CDH4: variants seen among roughly 807,000 people sequenced by gnomAD.
CDH4 encodes the protein cadherin 4, also known as cadherin-4.
Under a neutral mutation model 86.0 loss-of-function variants are expected in CDH4, and 33 were observed. That is an observed-to-expected ratio of 0.38 (90% CI 0.29 to 0.51). The LOEUF is 0.51. Ranked by LOEUF, CDH4 falls within the 20% of genes least tolerant of loss-of-function variation. The pLI, the probability that CDH4 is intolerant of heterozygous loss-of-function variation, is 0.86. For synonymous variants in CDH4, 555 were observed against 549.4 expected (o/e 1.01, Z -0.14); for missense variants, 1,114 against 1,307.4 (o/e 0.85, Z 2.28).
chr20:61,539,956 A>G (rs755617937), intron 2 of CDH4, among the ~76,000 whole-genome samples: 2 of 152,056 alleles, frequency 1.3e-5, no homozygotes, highest in Non-Finnish European at 2.9e-5. Context: ...TCCCTGTCCA[A>G]TTCCCTCCCA....
intron 2 of CDH4, among the ~76,000 whole-genome samples, chr20:61,610,498 T>G (rs111499667): frequency 7.2e-5 from 11 of 152,186 alleles, no homozygotes; most frequent in African/African-American, 2.7e-4. Context: ...CTGCTTTCCT[T>G]CCTTTAGGAT....
At chr20:61,369,729 C>T (rs577141894) in intron 2 of CDH4, 2 of 148,772 alleles carry the variant, frequency 1.3e-5, no homozygotes, top group East Asian at 3.9e-4. Context: ...AAGTTAAAAC[C>T]AACCAAAAAA....
intron 2 of CDH4, among the ~76,000 whole-genome samples, chr20:61,554,408 C>T (rs966394659): frequency 8.5e-5 from 13 of 152,212 alleles, no homozygotes; most frequent in Non-Finnish European, 1.6e-4. Context: ...AACATTATGT[C>T]GCCACTGACC....
intron 2 of CDH4, among the ~76,000 whole-genome samples, chr20:61,660,320 A>G (rs2087239326): frequency 6.6e-6 from 1 of 151,732 alleles, no homozygotes; most frequent in South Asian, 2.1e-4. Context: ...CTTCTTATCA[A>G]ACAAAGAGTG....
chr20:61,576,611 C>T (rs1251220918), intron 2 of CDH4, among the ~76,000 whole-genome samples: 1 of 152,182 alleles, frequency 6.6e-6, no homozygotes, highest in African/African-American at 2.4e-5. Flanking sequence ...TCACGTGAGG[C>T]AGACATCACT....
chr20:61,774,750 C>T (rs927001673), intron 4 of CDH4, among the ~76,000 whole-genome samples: 1 of 152,156 alleles, frequency 6.6e-6, no homozygotes, highest in African/African-American at 2.4e-5. Flanking sequence ...CATTCAGCTC[C>T]CACTTATAAG....
intron 2 of CDH4, among the ~76,000 whole-genome samples, chr20:61,667,927 G>A (rs6061717): frequency 3.9e-5 from 6 of 152,338 alleles, no homozygotes; most frequent in South Asian, 2.1e-4. Flanking sequence ...GCCAAATGTC[G>A]CATGTGGCTG....
intron 2 of CDH4, among the ~76,000 whole-genome samples, chr20:61,640,083 C>T (rs2086989191): frequency 1.3e-5 from 2 of 152,306 alleles, no homozygotes; most frequent in Admixed American, 1.3e-4. Flanking sequence ...CCATGAAGCT[C>T]CACAGCTTCT....
intron 2 of CDH4, among the ~76,000 whole-genome samples, chr20:61,300,228 G>A (rs764161172): frequency 9.2e-5 from 14 of 152,146 alleles, no homozygotes; most frequent in Non-Finnish European, 1.2e-4. Flanking sequence ...AGGTGCCAGG[G>A]ATGCGTGGGT....
intron 2 of CDH4, among the ~76,000 whole-genome samples, chr20:61,522,817 T>C (rs1004977672): frequency 1.3e-5 from 2 of 152,198 alleles, no homozygotes; most frequent in Non-Finnish European, 2.9e-5. Flanking sequence ...TCCCTTCGGT[T>C]TTTTATTTTT....
intron 2 of CDH4, chr20:61,718,809 C>T (rs745910053): frequency 4.2e-6 from 2 of 471,104 alleles, no homozygotes; most frequent in African/African-American, 2.0e-5. Context: ...GGAGGCTGCA[C>T]CCACCATCCC....
chr20:61,304,159 C>T (rs1568789704), intron 2 of CDH4, among the ~76,000 whole-genome samples: 3 of 152,062 alleles, frequency 2.0e-5, no homozygotes, highest in South Asian at 2.1e-4. Flanking sequence ...TCTTCACAGC[C>T]CCAGGCTTCT....
At chr20:61,534,661 C>CTTTT (rs2085981647) in intron 2 of CDH4, among the ~76,000 whole-genome samples, 2 of 89,304 alleles carry the variant, frequency 2.2e-5, no homozygotes, top group African/African-American at 1.5e-4. Flanking sequence ...TTCTTTCTTT[C>CTTTT]TTTCTTTTTT....
chr20:61,757,166 A>G lies in CDH4; in HGVS notation c.396+13377A>G, dbSNP rs557763290. Among the ~76,000 whole-genome samples the G allele has an allele frequency of 2.0e-5, 3 of 152,092 alleles. No homozygotes were observed. The East Asian group carries it at 5.8e-4, about 29-fold the overall frequency. The stretch of plus-strand genomic sequence containing the variant: ...GTCTGGCTGCTCAGGTGCAGATTCC[A>G]TGGCCCCTGGGTTCAGCAGAGCGTG... On this transcript the variant is annotated intron_variant, in intron 3 of 15. Transcript: ENST00000614565.
At chr20:61,896,891 T>A (rs562542853) in intron 8 of CDH4, among the ~76,000 whole-genome samples, 31 of 152,096 alleles carry the variant, frequency 2.0e-4, no homozygotes, top group Admixed American at 1.4e-3. Flanking sequence ...CCTCCCTGAC[T>A]CCGAGAAAGA....
chr20:61,536,973 A>G (rs1600738201), intron 2 of CDH4, among the ~76,000 whole-genome samples: 1 of 152,326 alleles, frequency 6.6e-6, no homozygotes, highest in South Asian at 2.1e-4. Context: ...TGTCTGGCTC[A>G]AGACGGATGG....
intron 7 of CDH4, among the ~76,000 whole-genome samples, chr20:61,893,475 A>G (rs902350321): frequency 1.0e-5 from 1 of 100,130 alleles, no homozygotes; most frequent in African/African-American, 3.9e-5. Context: ...TTGGCGGATG[A>G]GTAGAGGGAT....
intron 7 of CDH4, among the ~76,000 whole-genome samples, chr20:61,890,709 AC>A (rs1984783470): frequency 6.6e-6 from 1 of 152,170 alleles, no homozygotes; most frequent in African/African-American, 2.4e-5. Context: ...AGGATATAGC[AC>A]CCAAGTAAGT....
At chr20:61,364,614 T>C (rs2084801534) in intron 2 of CDH4, among the ~76,000 whole-genome samples, 1 of 152,236 alleles carries the variant, frequency 6.6e-6, no homozygotes, top group Non-Finnish European at 1.5e-5. Context: ...CTCAGACTTC[T>C]ACAGACATCC....
Sources: allele counts gnomAD v4.1 joint callset (sites outside exome capture counted in the v4.1 genomes callset), GRCh38; gene constraint gnomAD v4.1.1; transcripts MANE v1.5; gene names NCBI Gene and HGNC (gene_info 2026-07-23, HGNC 2026-07-21).